Variants in FMN2 observed in about 807,000 individuals in gnomAD.
FMN2 encodes formin-2.
FMN2 carries 51 observed loss-of-function variants against 142.3 expected under a neutral mutation model. That is an observed-to-expected ratio of 0.36 (90% confidence interval 0.29 to 0.45). FMN2 has a LOEUF of 0.45. FMN2 is among the 20% of genes least tolerant of loss of function. The pLI is 1.00. For synonymous variants in FMN2, 882 were observed against 869.8 expected (o/e 1.01, Z -0.25); for missense variants, 1,936 against 2,122.8 (o/e 0.91, Z 1.73).
intron 15 of FMN2, among the ~76,000 whole-genome samples, chr1:240,412,510 A>G (rs1674432417): frequency 6.6e-6 from 1 of 152,212 alleles, no homozygotes. Flanking sequence ...GAAGGCCATA[A>G]CTGGAGAGAA....
intron 2 of FMN2, chr1:240,145,445 G>C: frequency 3.0e-6 from 1 of 328,816 alleles, no homozygotes; most frequent in Non-Finnish European, 5.4e-6. Context: ...ATATATTATA[G>C]GGGAAAAACT....
At chr1:240,434,492 T>C (rs1675286578) in intron 15 of FMN2, among the ~76,000 whole-genome samples, 1 of 152,224 alleles carries the variant, frequency 6.6e-6, no homozygotes, top group Non-Finnish European at 1.5e-5. Flanking sequence ...GATACCTTGA[T>C]AATCTGTAGA....
intron 2 of FMN2, among the ~76,000 whole-genome samples, chr1:240,165,980 G>C (rs1028417855): frequency 4.1e-4 from 63 of 152,020 alleles, no homozygotes; most frequent in African/African-American, 1.4e-3. Context: ...GTTGAGGGGT[G>C]GGGGCAAAAG....
At chr1:240,217,616 A>G (rs981802863) in intron 6 of FMN2, among the ~76,000 whole-genome samples, 4 of 152,170 alleles carry the variant, frequency 2.6e-5, no homozygotes, top group African/African-American at 9.7e-5. Flanking sequence ...TTAGACAAGC[A>G]TAGGTTTTGT....
intron 16 of FMN2, among the ~76,000 whole-genome samples, chr1:240,447,370 C>CAGGT (rs779170950): frequency 1.6e-4 from 25 of 152,044 alleles, no homozygotes; most frequent in Non-Finnish European, 3.4e-4. Context: ...ATTCAGGTAT[C>CAGGT]TTGGACAGAG....
intron 14 of FMN2, among the ~76,000 whole-genome samples, chr1:240,369,706 CA>C (rs1672799945): frequency 6.6e-6 from 1 of 152,196 alleles, no homozygotes; most frequent in Non-Finnish European, 1.5e-5. Context: ...GTTGCATTGA[CA>C]ACTCTACTCG....
chr1:240,187,002 C>A (rs932824788), intron 3 of FMN2, among the ~76,000 whole-genome samples: 1 of 151,554 alleles, frequency 6.6e-6, no homozygotes, highest in African/African-American at 2.4e-5. Flanking sequence ...CACGGTGGCT[C>A]ATGCCTGTCA....
chr1:240,425,204 T>TGTGAGAGAGAGA (rs1674893939), intron 15 of FMN2, among the ~76,000 whole-genome samples: 1 of 134,838 alleles, frequency 7.4e-6, no homozygotes, highest in African/African-American at 2.7e-5. Context: ...TTGAATGAGG[T>TGTGAGAGAGAGA]GAGAGAGAGA....
At chr1:240,187,077 C>T (rs1334848739) in intron 3 of FMN2, among the ~76,000 whole-genome samples, 10 of 141,722 alleles carry the variant, frequency 7.1e-5, no homozygotes, top group Middle Eastern at 3.9e-3. Flanking sequence ...CCAGCCTGGC[C>T]AACATGGTGA....
At chr1:240,170,027 T>C in intron 2 of FMN2, 1 of 563,638 alleles carries the variant, frequency 1.8e-6, no homozygotes. Flanking sequence ...TCAGATTAAT[T>C]CCCACACAGA....
At chr1:240,142,561 C>G (rs1663233393) in intron 2 of FMN2, 1 of 1,111,676 alleles carries the variant, frequency 9.0e-7, no homozygotes, top group Non-Finnish European at 1.3e-6. Flanking sequence ...AACAAAAGAG[C>G]AGGAGGCAAC....
rs116819084 is a variant in FMN2, at chr1:240,283,658, G to A, written c.4154-11164G>A. Among the ~76,000 whole-genome samples, 933 of 152,222 alleles carry A rather than the reference G, an allele frequency of 6.1e-3. 10 individuals are homozygous for A. The highest frequency in any genetic ancestry group is 0.021 in the African/African-American group (886 of 41,542). ...AGGCTCTTAAAAATCTTCTTGGAGCGACCAACCACATACTTTTATACAATA... is the reference window on the plus strand; with the variant it reads ...AGGCTCTTAAAAATCTTCTTGGAGCAACCAACCACATACTTTTATACAATA... On this transcript the variant is annotated intron_variant, in intron 7 of 17. Transcript: ENST00000319653.
chr1:240,191,041 T>A (rs142677400), intron 4 of FMN2, among the ~76,000 whole-genome samples: 5 of 152,208 alleles, frequency 3.3e-5, no homozygotes, highest in Non-Finnish European at 7.3e-5. Context: ...GTATGAATGA[T>A]GAACCTAAGA....
chr1:240,391,400 G>A (rs927579355), intron 14 of FMN2, among the ~76,000 whole-genome samples: 2 of 151,076 alleles, frequency 1.3e-5, no homozygotes, highest in South Asian at 4.2e-4. Flanking sequence ...GACAGTTCTC[G>A]AGTGACCATG....
intron 16 of FMN2, among the ~76,000 whole-genome samples, chr1:240,439,356 G>T (rs965389127): frequency 1.3e-5 from 2 of 151,568 alleles, no homozygotes; most frequent in African/African-American, 4.9e-5. Flanking sequence ...TCTGCTTATT[G>T]TCTTCATTTT....
chr1:240,225,272 G>A (rs958418500), intron 6 of FMN2, among the ~76,000 whole-genome samples: 3 of 152,168 alleles, frequency 2.0e-5, no homozygotes, highest in Non-Finnish European at 2.9e-5. Flanking sequence ...AGATGAACAT[G>A]GTAGAAAAAA....
intron 7 of FMN2, chr1:240,285,386 G>C (rs1341443330): frequency 4.6e-6 from 2 of 430,246 alleles, no homozygotes; most frequent in Non-Finnish European, 9.4e-6. Flanking sequence ...ACACCCAAGT[G>C]GTGATGCTGA....
chr1:240,448,405 A>G (rs978356694), intron 16 of FMN2, among the ~76,000 whole-genome samples: 1 of 152,228 alleles, frequency 6.6e-6, no homozygotes, highest in African/African-American at 2.4e-5. Context: ...TTGAACAATT[A>G]TTCATCTATT....
rs1231692541 is a variant in FMN2, at chr1:240,294,431, T to C, written c.4154-391T>C. Among the ~76,000 whole-genome samples the C allele has an allele frequency of 3.9e-5, 6 of 152,344 alleles. No homozygotes were observed. In the South Asian group the frequency reaches 1.2e-3, roughly 32 times the overall value. ...GATTAAATTTCACCTTTGTCAAAGG[T>C]CCTAGATATACTGGTGAATTTAAGC... On this transcript the variant is annotated intron_variant, in intron 7 of 17. Transcript: ENST00000319653.
Sources: gnomAD v4.1 joint callset for allele counts (sites outside exome capture counted in the v4.1 genomes callset) on GRCh38, gnomAD v4.1.1 for gene constraint, MANE v1.5 for transcripts, NCBI Gene and HGNC (gene_info 2026-07-23, HGNC 2026-07-21) for gene names.